Variants in GHR observed in about 807,000 individuals in gnomAD.
The protein encoded by GHR is GH receptor.
GHR carries 35 observed loss-of-function variants against 67.1 expected under a neutral mutation model. The ratio of observed to expected loss-of-function variants is 0.52; its 90% CI spans 0.40 to 0.69. GHR has a LOEUF of 0.69. GHR is among the 30% of genes least tolerant of loss of function. GHR has a pLI of 0.00. For synonymous variants in GHR, 272 were observed against 269.1 expected (o/e 1.01, Z -0.10); for missense variants, 792 against 764.6 (o/e 1.04, Z -0.42).
At chr5:42,470,989 A>T (rs1367802367) in intron 1 of GHR, among the ~76,000 whole-genome samples, 1 of 152,186 alleles carries the variant, frequency 6.6e-6, no homozygotes, top group Non-Finnish European at 1.5e-5. Flanking sequence ...GACATTTTGG[A>T]TTAAGTCCTC....
intron 2 of GHR, among the ~76,000 whole-genome samples, chr5:42,590,688 G>A (rs1751729911): frequency 6.6e-6 from 1 of 152,190 alleles, no homozygotes; most frequent in African/African-American, 2.4e-5. Flanking sequence ...TGACTGTAGA[G>A]CAGCCTTAAA....
At chr5:42,472,393 A>G (rs1180890013) in intron 1 of GHR, among the ~76,000 whole-genome samples, 1 of 152,238 alleles carries the variant, frequency 6.6e-6, no homozygotes, top group Admixed American at 6.5e-5. Flanking sequence ...AAAGAAGTAT[A>G]TATATACAAA....
chr5:42,606,412 C>T (rs1752632623), intron 2 of GHR, among the ~76,000 whole-genome samples: 1 of 152,136 alleles, frequency 6.6e-6, no homozygotes, highest in African/African-American at 2.4e-5. Flanking sequence ...CTAGCATCTG[C>T]TTCCAGTGAG....
rs1758958127 is a variant in GHR, at chr5:42,720,319, A to G, written c.*895A>G. The G allele has an allele frequency of 6.6e-6, 1 of 152,260 alleles. No homozygotes were observed. Among genetic ancestry groups the G allele is most frequent in the Admixed American group, 6.5e-5 (1 of 15,288 alleles). The allele number at this position is 152,260 out of a possible 1,614,324, so 9.4% of individuals were successfully genotyped here. A position where few individuals can be genotyped will look rare whatever the true frequency, so the allele number is the denominator to read the frequency against. ...AAAGCAAAAAAGAAAACCTTTCTTC[A>G]CCAAATCTTGGTTGATGCCAAAAAA... On this transcript the variant is annotated 3_prime_UTR_variant, in exon 10 of 10. Coordinates refer to ENST00000230882, the MANE Select transcript of GHR (RefSeq NM_000163.5).
At chr5:42,650,350 C>A (rs1318674338) in intron 3 of GHR, among the ~76,000 whole-genome samples, 1 of 151,998 alleles carries the variant, frequency 6.6e-6, no homozygotes, top group Non-Finnish European at 1.5e-5. Context: ...ATGCTAGTAC[C>A]AACCAGTTCT....
intron 2 of GHR, among the ~76,000 whole-genome samples, chr5:42,570,285 G>A (rs893390469): frequency 2.0e-5 from 3 of 152,208 alleles, no homozygotes; most frequent in Admixed American, 6.5e-5. Context: ...CCAGAGGCAA[G>A]AAGAAATCTT....
intron 1 of GHR, among the ~76,000 whole-genome samples, chr5:42,433,131 T>G (rs1743166547): frequency 6.6e-6 from 1 of 152,212 alleles, no homozygotes; most frequent in Non-Finnish European, 1.5e-5. Flanking sequence ...AAGATGGATA[T>G]ATGTTTCACA....
chr5:42,711,178 C>CAA (rs1561248815), intron 6 of GHR, 29 bp from the exon 7 acceptor site: 1 of 1,582,280 alleles, frequency 6.3e-7, no homozygotes, highest in South Asian at 1.1e-5. Flanking sequence ...ACTCTTTGGC[C>CAA]AATATGCGTT....
chr5:42,663,613 A>C (rs368542202), intron 3 of GHR, among the ~76,000 whole-genome samples: 26 of 152,212 alleles, frequency 1.7e-4, no homozygotes, highest in Admixed American at 5.2e-4. Flanking sequence ...TAAGAGCTAT[A>C]TATGACAAAC....
chr5:42,671,942 C>G (rs1756333206), intron 3 of GHR, among the ~76,000 whole-genome samples: 1 of 104,462 alleles, frequency 9.6e-6, no homozygotes, highest in African/African-American at 3.6e-5. Context: ...GGCGACAGAG[C>G]AAGACTCCGT....
At chr5:42,508,866 G>A (rs1205890235) in intron 1 of GHR, among the ~76,000 whole-genome samples, 5 of 152,112 alleles carry the variant, frequency 3.3e-5, no homozygotes, top group African/African-American at 9.7e-5. Flanking sequence ...GAGCCACCGC[G>A]CCCAACCAGA....
chr5:42,511,630 T>G (rs1260185269), intron 1 of GHR, among the ~76,000 whole-genome samples: 1 of 152,220 alleles, frequency 6.6e-6, no homozygotes, highest in East Asian at 1.9e-4. Context: ...GTTATCTGGC[T>G]GTTTTTTATT....
chr5:42,428,211 T>G (rs1742937758), intron 1 of GHR, among the ~76,000 whole-genome samples: 1 of 152,218 alleles, frequency 6.6e-6, no homozygotes, highest in Admixed American at 6.5e-5. Flanking sequence ...TCTTGTCTTC[T>G]GTGCACCTGC....
intron 2 of GHR, among the ~76,000 whole-genome samples, chr5:42,617,333 T>C (rs79453761): frequency 0.013 from 2,022 of 151,542 alleles, 34 homozygotes; most frequent in African/African-American, 0.047. Flanking sequence ...AATGGTCACA[T>C]ATTATTTTGG....
At chr5:42,634,119 T>C (rs4610468) in intron 3 of GHR, among the ~76,000 whole-genome samples, 52,689 of 151,874 alleles carry the variant, frequency 0.35, 10,610 homozygotes, top group African/African-American at 0.57. Flanking sequence ...AATTTTATGA[T>C]CTCTTTGTCT....
chr5:42,597,343 G>A (rs1752124817), intron 2 of GHR, among the ~76,000 whole-genome samples: 1 of 152,110 alleles, frequency 6.6e-6, no homozygotes, highest in Admixed American at 6.6e-5. Context: ...TATCACATTT[G>A]TTTTTAATAT....
At position 42,584,812 on chromosome 5, in the gene GHR, C is replaced by T. The variant is rs566308568; in HGVS notation, c.70+18868C>T. Among the ~76,000 whole-genome samples, 4 of 152,128 alleles carry T rather than the reference C, an allele frequency of 2.6e-5. No individual in the cohort carries two copies. The East Asian group carries it at 7.7e-4, about 29-fold the overall frequency. ...ACACACACACACACACACACACACA[C>T]ACACGTGCATGTACAGAACTGCCTT... On this transcript the variant is annotated intron_variant, in intron 2 of 9. Transcript: ENST00000230882.
intron 1 of GHR, among the ~76,000 whole-genome samples, chr5:42,552,962 C>G (rs1749114950): frequency 6.6e-6 from 1 of 152,176 alleles, no homozygotes; most frequent in African/African-American, 2.4e-5. Flanking sequence ...ACTAAGTTTT[C>G]TCTAAAGTCC....
intron 1 of GHR, among the ~76,000 whole-genome samples, chr5:42,461,318 A>G (rs1022444586): frequency 6.6e-6 from 1 of 152,196 alleles, no homozygotes; most frequent in Non-Finnish European, 1.5e-5. Flanking sequence ...CGTAATATTC[A>G]TTAATGTTCT....
Sources: gnomAD v4.1 joint callset for allele counts (sites outside exome capture counted in the v4.1 genomes callset) on GRCh38, gnomAD v4.1.1 for gene constraint, MANE v1.5 for transcripts, NCBI Gene and HGNC (gene_info 2026-07-23, HGNC 2026-07-21) for gene names.